Variants in ADAM23 observed in about 807,000 individuals in gnomAD.
The protein encoded by ADAM23 is ADAM metallopeptidase domain 23.
Under a neutral mutation model 120.1 loss-of-function variants are expected in ADAM23, and 33 were observed. The ratio of observed to expected loss-of-function variants is 0.27; its 90% CI spans 0.21 to 0.37. The LOEUF (loss-of-function observed/expected upper bound fraction) is 0.37. ADAM23 is among the 10% of genes least tolerant of loss of function. ADAM23 has a pLI of 1.00. For missense variants in ADAM23, 862 were observed against 1,058.2 expected (o/e 0.81, Z 2.57); for synonymous variants, 367 against 375.2 (o/e 0.98, Z 0.25).
chr2:206,539,034 G>C (rs1473429817), intron 4 of ADAM23, among the ~76,000 whole-genome samples: 1 of 152,170 alleles, frequency 6.6e-6, no homozygotes. Context: ...TATTTTAAAA[G>C]ATGGACATGG....
At chr2:206,477,897 A>ATATATATATATATATATATATAT (rs1553548673) in intron 2 of ADAM23, among the ~76,000 whole-genome samples, 85 of 93,450 alleles carry the variant, frequency 9.1e-4, no homozygotes, top group African/African-American at 3.2e-3. Context: ...AAAAAAAAAA[A>ATATATATATATATATATATATAT]ATATATATAT....
rs974013955 is a variant in ADAM23, at chr2:206,599,161, T to G, written c.2359+2999T>G. ...TGGAGGTTACAGTGAGCCGAGATCG[T>G]GCCATTGTACTCCAGCCTGGGTAAC... On this transcript the variant is annotated intron_variant, in intron 24 of 25. Coordinates refer to ENST00000264377, the MANE Select transcript of ADAM23 (RefSeq NM_003812.4). Among the ~76,000 whole-genome samples, 7 of 148,426 alleles carry G rather than the reference T, an allele frequency of 4.7e-5. No individual in the cohort carries two copies. The South Asian group carries it at 1.5e-3, about 31-fold the overall frequency.
At chr2:206,587,674 A>G (rs1327675992) in intron 19 of ADAM23, among the ~76,000 whole-genome samples, 2 of 152,110 alleles carry the variant, frequency 1.3e-5, no homozygotes, top group Non-Finnish European at 2.9e-5. Flanking sequence ...TGGTGTGTGA[A>G]AGAAAATATG....
chr2:206,452,261 C>T (rs1282852044), intron 2 of ADAM23, among the ~76,000 whole-genome samples: 2 of 152,172 alleles, frequency 1.3e-5, no homozygotes, highest in Non-Finnish European at 2.9e-5. Context: ...TATTCTCTTC[C>T]ATAAAGTCTA....
chr2:206,588,086 C>T lies in ADAM23; in HGVS notation c.1789-5C>T, dbSNP rs1449334135. On this transcript the variant is annotated splice_polypyrimidine_tract_variant and splice_region_variant and intron_variant, in intron 19 of 25. Transcript: ENST00000264377. ...TGTGCCTCACATGTGTGCTCCTGTC[C>T]CCAGGGCCGCTGCTACAATGGCGAG... is the stretch of plus-strand genomic sequence containing the variant. 2 of 1,613,946 alleles carry T rather than the reference C, an allele frequency of 1.2e-6. No homozygotes were observed. Among genetic ancestry groups the T allele is most frequent in the East Asian group, 2.2e-5 (1 of 44,856 alleles).
chr2:206,589,542 C>A, intron 21 of ADAM23, 28 bp downstream of exon 21: 1 of 1,575,774 alleles, frequency 6.3e-7, no homozygotes, highest in Non-Finnish European at 8.6e-7. Flanking sequence ...AGGGCATAGT[C>A]ACTGGACTTG....
intron 2 of ADAM23, among the ~76,000 whole-genome samples, chr2:206,458,013 G>A (rs932219874): frequency 6.6e-6 from 1 of 152,192 alleles, no homozygotes; most frequent in South Asian, 2.1e-4. Context: ...AAGGAAATTG[G>A]CATTTTAACG....
chr2:206,608,695 T>C (rs906313217), intron 24 of ADAM23, among the ~76,000 whole-genome samples: 9 of 151,916 alleles, frequency 5.9e-5, no homozygotes, highest in South Asian at 2.1e-4. Flanking sequence ...GAGACTGTAT[T>C]GCAGCTGTCC....
chr2:206,577,419 C>G (rs1399936503), intron 18 of ADAM23, among the ~76,000 whole-genome samples: 14 of 123,258 alleles, frequency 1.1e-4, no homozygotes, highest in Admixed American at 3.4e-4. Flanking sequence ...CCCCTCCCCC[C>G]ACCCCACAAC....
chr2:206,481,119 A>T (rs1295935840), intron 2 of ADAM23, 113 bp from the exon 3 acceptor site: 2 of 677,944 alleles, frequency 3.0e-6, no homozygotes, highest in African/African-American at 3.8e-5. Context: ...GATGATACAT[A>T]AGGAAATGAA....
At position 206,540,633 on chromosome 2, in the gene ADAM23, C is replaced by T. The variant is rs538584391; in HGVS notation, c.574-1419C>T. On this transcript the variant is annotated intron_variant, in intron 4 of 25. Coordinates refer to ENST00000264377, the MANE Select transcript of ADAM23 (RefSeq NM_003812.4). Reference sequence around the variant, plus strand: ...AAAGTGGATGAGGAGTGACTCTTAGCTTTGAGCTTTTCATGCTCTGCTAAG... The same window carrying T: ...AAAGTGGATGAGGAGTGACTCTTAGTTTTGAGCTTTTCATGCTCTGCTAAG... Among the ~76,000 whole-genome samples, 5 of 152,206 alleles carry T rather than the reference C, an allele frequency of 3.3e-5. No homozygotes were observed. The East Asian group carries it at 9.7e-4, about 29-fold the overall frequency.
In ADAM23 at chr2:206,587,365, A is replaced by G. The variant is rs982517498; in HGVS notation, c.1778A>G (p.Asn593Ser). ...CATAAGCAAGACGGATATGCATGCA[A>G]TCAAAATCAGGTATGCTGGGCTATA... Reference protein sequence around the residue: ...NLHKQDGYACNQNQGRCYNGE... With the variant: ...NLHKQDGYACSQNQGRCYNGE... The change falls in exon 19 of 26, where the codon AAT becomes AGT. Residue 593 changes from asparagine (N) to serine (S), a missense_variant. Asn to Ser is a conservative substitution (Grantham distance 46). Transcript: ENST00000264377. The G allele has an allele frequency of 5.6e-6, 9 of 1,607,194 alleles. No individual in the cohort carries two copies. Among genetic ancestry groups the G allele is most frequent in the Non-Finnish European group, 7.6e-6 (9 of 1,176,536 alleles).
intron 14 of ADAM23, among the ~76,000 whole-genome samples, chr2:206,565,437 C>T (rs1031392580): frequency 1.3e-5 from 2 of 152,146 alleles, no homozygotes; most frequent in African/African-American, 4.8e-5. Context: ...TTTTAAGGAA[C>T]TCGTAAATAT....
chr2:206,560,193 G>A, intron 11 of ADAM23, 75 bp downstream of exon 11: 1 of 1,455,584 alleles, frequency 6.9e-7, no homozygotes. Flanking sequence ...GTTCAGTTAA[G>A]TTAAATATCA....
chr2:206,512,150 G>A (rs1479733849), intron 3 of ADAM23, among the ~76,000 whole-genome samples: 1 of 152,172 alleles, frequency 6.6e-6, no homozygotes, highest in Non-Finnish European at 1.5e-5. Flanking sequence ...ACATAAAAGA[G>A]ATAAAGAGAA....
chr2:206,516,924 G>A (rs1696745416), intron 3 of ADAM23, among the ~76,000 whole-genome samples: 2 of 152,012 alleles, frequency 1.3e-5, no homozygotes, highest in South Asian at 4.1e-4. Flanking sequence ...AACTTCTTCT[G>A]ACCTCATTTC....
intron 3 of ADAM23, among the ~76,000 whole-genome samples, chr2:206,519,000 A>G (rs532335136): frequency 1.6e-4 from 24 of 152,272 alleles, no homozygotes; most frequent in Non-Finnish European, 1.2e-4. Flanking sequence ...AGATGATGAC[A>G]ATCATACTCA....
At chr2:206,480,220 G>A (rs139225259) in intron 2 of ADAM23, among the ~76,000 whole-genome samples, 360 of 152,120 alleles carry the variant, frequency 2.4e-3, no homozygotes, top group African/African-American at 8.2e-3. Context: ...GATGGGGAGA[G>A]TTTCAATCAT....
At chr2:206,512,947 A>G (rs1696656358) in intron 3 of ADAM23, among the ~76,000 whole-genome samples, 1 of 152,072 alleles carries the variant, frequency 6.6e-6, no homozygotes, top group Admixed American at 6.6e-5. Flanking sequence ...TGATGTTACT[A>G]TTATGGTTGT....
Sources: gnomAD v4.1 joint callset for allele counts (sites outside exome capture counted in the v4.1 genomes callset) on GRCh38, gnomAD v4.1.1 for gene constraint, MANE v1.5 for transcripts, NCBI Gene and HGNC (gene_info 2026-07-23, HGNC 2026-07-21) for gene names.